GARNL3: variants seen among roughly 807,000 people sequenced by gnomAD.
The protein encoded by GARNL3 is GTPase activating Rap/RanGAP domain like 3, also known as GTPase-activating Rap/Ran-GAP domain-like protein 3.
A neutral mutation model predicts 125.0 loss-of-function variants in GARNL3; 63 were observed. That is an observed-to-expected ratio of 0.50 (90% CI 0.41 to 0.62). The LOEUF is 0.62. Ranked by LOEUF, GARNL3 falls within the 20% of genes least tolerant of loss-of-function variation. The pLI, the probability that GARNL3 is intolerant of heterozygous loss-of-function variation, is 0.00. For missense variants in GARNL3, 994 were observed against 1,244.0 expected (o/e 0.80, Z 3.02); for synonymous variants, 439 against 457.5 (o/e 0.96, Z 0.52).
rs991542627 is a variant in GARNL3, at chr9:127,389,244, A to G, written c.2743+125A>G. Reference sequence around the variant, plus strand: ...AGTTTCCTTTTAAGAAGGGATTTTTAAGTAAGTTCTAATACCTCTATACCA... The same window carrying G: ...AGTTTCCTTTTAAGAAGGGATTTTTGAGTAAGTTCTAATACCTCTATACCA... On this transcript the variant is annotated intron_variant, in intron 26 of 27. Coordinates refer to ENST00000373387, the MANE Select transcript of GARNL3 (RefSeq NM_032293.5). The G allele has an allele frequency of 5.9e-6, 4 of 682,768 alleles. No individual in the cohort carries two copies. The Admixed American group carries it at 7.6e-5, about 13-fold the overall frequency. 42.3% of individuals were successfully genotyped at this position (682,768 alleles called of 1,614,324 possible).
chr9:127,283,562 T>C (rs1422099226), intron 1 of GARNL3, among the ~76,000 whole-genome samples: 3 of 152,214 alleles, frequency 2.0e-5, no homozygotes, highest in South Asian at 2.1e-4. Context: ...CCCAGCTACT[T>C]GGGAGGCTGA....
At chr9:127,371,684 A>G (rs1375801453) in intron 22 of GARNL3, among the ~76,000 whole-genome samples, 1 of 152,270 alleles carries the variant, frequency 6.6e-6, no homozygotes, top group East Asian at 1.9e-4. Flanking sequence ...TTGGTTTCAT[A>G]ATGACAAATA....
intron 2 of GARNL3, among the ~76,000 whole-genome samples, chr9:127,291,543 G>A (rs1367161168): frequency 1.3e-5 from 2 of 152,134 alleles, no homozygotes; most frequent in African/African-American, 2.4e-5. Flanking sequence ...TCCTCTGCCA[G>A]GCTGATCAGC....
At chr9:127,263,343 GT>G (rs1383097240), upstream of GARNL3, among the ~76,000 whole-genome samples, 2 of 152,180 alleles carry the variant, frequency 1.3e-5, no homozygotes, top group Non-Finnish European at 2.9e-5. Flanking sequence ...AGCTGTTGCT[GT>G]TGTTAATTTC....
intron 1 of GARNL3, among the ~76,000 whole-genome samples, chr9:127,234,640 A>C (rs533810331): frequency 3.3e-4 from 50 of 152,338 alleles, no homozygotes; most frequent in African/African-American, 1.2e-3. Flanking sequence ...GCCCTAGTCC[A>C]TTTGGGCTGC....
At position 127,351,277 on chromosome 9, in the gene GARNL3, G is replaced by A. The variant is rs142062057; in HGVS notation, c.1543+2242G>A. On this transcript the variant is annotated intron_variant, in intron 17 of 27. Coordinates refer to ENST00000373387, the MANE Select transcript of GARNL3 (RefSeq NM_032293.5). ...TTCCTTTCTGAAATTTTTATCTTAA[G>A]GATCCAAAATTTAATGGAAATGTCA... Among the ~76,000 whole-genome samples the A allele has an allele frequency of 9.0e-3, 1,374 of 151,970 alleles. 13 individuals carry two copies. The highest frequency in any genetic ancestry group is 0.015 in the Admixed American group (234 of 15,274).
intron 21 of GARNL3, 84 bp from the exon 22 acceptor site, chr9:127,365,216 T>C: frequency 8.4e-7 from 1 of 1,193,066 alleles, no homozygotes; most frequent in Non-Finnish European, 1.3e-6. Context: ...GGCCTCGGCC[T>C]CCACAAATGC....
chr9:127,314,293 G>A (rs1368527255), intron 4 of GARNL3, among the ~76,000 whole-genome samples: 1 of 152,166 alleles, frequency 6.6e-6, no homozygotes, highest in African/African-American at 2.4e-5. Flanking sequence ...AACATTTGCA[G>A]CCACTGAGTT....
chr9:127,349,167 C>T lies in GARNL3; in HGVS notation c.1543+132C>T. The T allele has an allele frequency of 1.0e-5, 7 of 682,926 alleles. No individual in the cohort carries two copies. The South Asian group carries it at 1.1e-4, about 11-fold the overall frequency. The allele number at this position is 682,926 out of a possible 1,614,324, so 42.3% of individuals were successfully genotyped here. ...CAGAGAGTTTAGCGAAGTTTTATTT[C>T]CTTATGAAATTAAACCCTTGTTTCC... is the stretch of plus-strand genomic sequence containing the variant. On this transcript the variant is annotated intron_variant, in intron 17 of 27. Transcript: ENST00000373387.
intron 2 of GARNL3, among the ~76,000 whole-genome samples, chr9:127,254,630 G>A (rs2063464217): frequency 6.6e-6 from 1 of 152,014 alleles, no homozygotes; most frequent in Non-Finnish European, 1.5e-5. Context: ...TTAACCAGAT[G>A]TGGTGGCACG....
chr9:127,237,359 C>T (rs917452237), intron 1 of GARNL3, among the ~76,000 whole-genome samples: 5 of 152,182 alleles, frequency 3.3e-5, no homozygotes, highest in African/African-American at 1.2e-4. Flanking sequence ...CAGAACAATG[C>T]TTATATCCTC....
intron 17 of GARNL3, among the ~76,000 whole-genome samples, chr9:127,349,986 A>G (rs1830341347): frequency 1.3e-5 from 2 of 152,172 alleles, no homozygotes; most frequent in Admixed American, 6.5e-5. Flanking sequence ...GGGCACATTT[A>G]CCGAACACCT....
chr9:127,317,705 G>A (rs963785267), intron 4 of GARNL3, among the ~76,000 whole-genome samples: 3 of 151,964 alleles, frequency 2.0e-5, no homozygotes, highest in African/African-American at 7.3e-5. Context: ...AACAGAGCCA[G>A]ACTCTGTCTC....
Position 127,355,417 on chromosome 9 carries a change from C to A in GARNL3, c.1880C>A (p.Thr627Asn). The A allele has an allele frequency of 6.2e-7, 1 of 1,614,234 alleles. No homozygotes were observed. Among genetic ancestry groups the A allele is most frequent in the Non-Finnish European group, 8.5e-7 (1 of 1,180,034 alleles). The change falls in exon 20 of 28, where the codon ACC (threonine) becomes AAC (asparagine). Residue 627 changes from threonine (T) to asparagine (N), a missense_variant. This residue lies in a region of GARNL3 where 728 missense variants were observed against 865.7 expected (regional missense o/e 0.84). Coordinates refer to ENST00000373387, the MANE Select transcript of GARNL3 (RefSeq NM_032293.5). Reference protein sequence around the residue: ...KHNKPSGVTSTSLLSPLSESP... With the variant: ...KHNKPSGVTSNSLLSPLSESP... ...AACAAGCCAAGCGGGGTCACCAGCA[C>A]CTCATTGTTATCTCCCCTGTCTGAG...
At chr9:127,317,857 C>T (rs2065284070) in intron 4 of GARNL3, among the ~76,000 whole-genome samples, 1 of 152,214 alleles carries the variant, frequency 6.6e-6, no homozygotes, top group African/African-American at 2.4e-5. Context: ...CTGAAATCCA[C>T]ACATGTTGGG....
chr9:127,274,111 G>T (rs2063892832), intron 1 of GARNL3, among the ~76,000 whole-genome samples: 2 of 152,102 alleles, frequency 1.3e-5, no homozygotes, highest in Non-Finnish European at 2.9e-5. Flanking sequence ...TCTGTATCTA[G>T]CCGTTAACAG....
chr9:127,271,982 G>A (rs757803310), intron 1 of GARNL3, among the ~76,000 whole-genome samples: 1 of 150,238 alleles, frequency 6.7e-6, no homozygotes, highest in Admixed American at 6.6e-5. Context: ...GCATGATTTC[G>A]TTGTCATGAA....
intron 1 of GARNL3, chr9:127,225,365 G>C: frequency 1.0e-6 from 1 of 984,888 alleles, no homozygotes; most frequent in Non-Finnish European, 1.2e-6. Flanking sequence ...AGAAGAGGGC[G>C]GCGCTGCGGC....
intron 1 of GARNL3, among the ~76,000 whole-genome samples, chr9:127,229,901 A>G (rs537915945): frequency 6.6e-6 from 1 of 152,286 alleles, no homozygotes; most frequent in Non-Finnish European, 1.5e-5. Flanking sequence ...CACTTTGGCA[A>G]CTCTGTTGGC....
Sources: gnomAD v4.1 joint callset for allele counts (sites outside exome capture counted in the v4.1 genomes callset) on GRCh38, gnomAD v4.1.1 for gene constraint, gnomAD v4.1.1 regional missense constraint, MANE v1.5 for transcripts, NCBI Gene and HGNC (gene_info 2026-07-23, HGNC 2026-07-21) for gene names.